The following CYB5B variants were observed in gnomAD, a reference collection of about 807,000 sequenced individuals.
CYB5B encodes the protein cytochrome b5 type B.
Under a neutral mutation model 21.3 loss-of-function variants are expected in CYB5B, and 14 were observed. The ratio of observed to expected loss-of-function variants is 0.66; its 90% CI spans 0.43 to 1.03. The LOEUF (loss-of-function observed/expected upper bound fraction) is 1.03, where lower values mean the gene tolerates loss of function less well. Among genes scored for constraint, CYB5B ranks in the 50% least tolerant of loss-of-function variants. The probability of loss-of-function intolerance (pLI) is 0.00; values close to 1 mark genes in which losing one functional copy is unlikely to be tolerated. For missense variants in CYB5B, 166 were observed against 185.1 expected, an observed-to-expected ratio of 0.90 and a Z score of 0.60; for synonymous variants, 69 against 68.4, an observed-to-expected ratio of 1.01 and a Z score of -0.04.
At chr16:69,433,904 C>T (rs929790301) in intron 1 of CYB5B, among the ~76,000 whole-genome samples, 2 of 152,212 alleles carry the variant, frequency 1.3e-5, no homozygotes, top group African/African-American at 4.8e-5. Context: ...ACGGTATAGT[C>T]TCTTGTTCCT....
intron 1 of CYB5B, among the ~76,000 whole-genome samples, chr16:69,428,673 A>G (rs1250058606): frequency 6.6e-6 from 1 of 152,094 alleles, no homozygotes; most frequent in Non-Finnish European, 1.5e-5. Context: ...AAAAAAAGAA[A>G]AATAATACAG....
In CYB5B at chr16:69,465,719, G is replaced by C. The variant is rs1226349834; in HGVS notation, c.*3199G>C. ...ATCTATCTGGTTAAATTCCATTTTA[G>C]GAGATTGAGATGCAGAACGTTAATG... On this transcript the variant is annotated 3_prime_UTR_variant, in exon 5 of 5. Coordinates refer to ENST00000307892, the MANE Select transcript of CYB5B (RefSeq NM_030579.3). The C allele has an allele frequency of 6.6e-6, 1 of 152,188 alleles. No individual in the cohort carries two copies. Among genetic ancestry groups the C allele is most frequent in the African/African-American group, 2.4e-5 (1 of 41,436 alleles). 9.4% of individuals were successfully genotyped at this position (152,188 alleles called of 1,614,324 possible).
intron 3 of CYB5B, among the ~76,000 whole-genome samples, chr16:69,457,980 A>G (rs1233246416): frequency 1.1e-4 from 17 of 152,162 alleles, no homozygotes; most frequent in Non-Finnish European, 1.9e-4. Context: ...ATATACTTCT[A>G]CATTTTGCAA....
intron 1 of CYB5B, among the ~76,000 whole-genome samples, chr16:69,445,690 A>G (rs1019653693): frequency 2.0e-5 from 3 of 152,204 alleles, no homozygotes; most frequent in South Asian, 4.1e-4. Flanking sequence ...GAGGCTGGGC[A>G]TGGTGGCTCA....
At chr16:69,436,522 G>T (rs761741485) in intron 1 of CYB5B, among the ~76,000 whole-genome samples, 2 of 152,140 alleles carry the variant, frequency 1.3e-5, no homozygotes, top group Non-Finnish European at 2.9e-5. Context: ...CTATAGACCT[G>T]CACCGTTTCC....
In CYB5B at chr16:69,424,824, G is replaced by A; in HGVS notation, c.141G>A (p.Gly47=). 1.9e-6 allele frequency: 3 copies of A among 1,600,880 alleles called. No homozygotes were observed. The highest frequency in any genetic ancestry group is 1.3e-5 in the African/African-American group (1 of 74,454). ...AGGAACTGTGGCTTGTGATCCATGG[G>A]CGAGTCTACGATGTCACCCGCTTCC... is the stretch of plus-strand genomic sequence containing the variant. ...SLKELWLVIH[G]RVYDVTRFLN... The change falls in exon 1 of 5, where the codon GGG becomes GGA. Residue 47 remains glycine, a synonymous_variant. Transcript: ENST00000307892.
In CYB5B at chr16:69,463,833, TTAC is replaced by T. The variant is rs1399636636; in HGVS notation, c.*1316_*1318del. On this transcript the variant is annotated 3_prime_UTR_variant, in exon 5 of 5. Transcript: ENST00000307892. ...AGATGTGTGTTCATTGAGAAGTAGGTTACTAGAATTATGTTACTGTGTCTTATT... is the reference window on the plus strand; with the variant it reads ...AGATGTGTGTTCATTGAGAAGTAGGTTAGAATTATGTTACTGTGTCTTATT... 2 of 152,148 alleles carry T rather than the reference TTAC, an allele frequency of 1.3e-5. No homozygotes were observed. Among genetic ancestry groups the T allele is most frequent in the African/African-American group, 4.8e-5 (2 of 41,446 alleles). 9.4% of individuals were successfully genotyped at this position (152,148 alleles called of 1,614,324 possible). A position where few individuals can be genotyped will look rare whatever the true frequency, so the allele number is the denominator to read the frequency against.
chr16:69,444,972 A>G (rs182935325), intron 1 of CYB5B, among the ~76,000 whole-genome samples: 4 of 152,340 alleles, frequency 2.6e-5, no homozygotes, highest in Non-Finnish European at 4.4e-5. Context: ...TCTCTTGTTT[A>G]TAAGTGGTGA....
In CYB5B at chr16:69,431,038, G is replaced by A. The variant is rs780086193; in HGVS notation, c.174+6181G>A. ...TTTTGAGATGGAGTCTTGTTTTGTC[G>A]CCCAGGCTGGAGTGCAGTAGCATTA... On this transcript the variant is annotated intron_variant, in intron 1 of 4. Coordinates refer to ENST00000307892, the MANE Select transcript of CYB5B (RefSeq NM_030579.3). Among the ~76,000 whole-genome samples, 19 of 151,658 alleles carry A rather than the reference G, an allele frequency of 1.3e-4. 1 individual carries two copies. In the South Asian group the frequency reaches 1.5e-3, roughly 12 times the overall value.
At chr16:69,424,901 G>A in intron 1 of CYB5B, 44 bp downstream of exon 1, 3 of 1,499,122 alleles carry the variant, frequency 2.0e-6, no homozygotes, top group Non-Finnish European at 2.7e-6. Flanking sequence ...GCTGGGGCGA[G>A]GGGTGAAAAG....
chr16:69,440,441 T>C (rs2014808041), intron 1 of CYB5B, among the ~76,000 whole-genome samples: 1 of 152,228 alleles, frequency 6.6e-6, no homozygotes, highest in African/African-American at 2.4e-5. Context: ...AACCACCATC[T>C]GGTTCTTCCT....
In CYB5B at chr16:69,424,741, G is replaced by A. The variant is rs1371679836; in HGVS notation, c.58G>A (p.Val20Ile). The A allele has an allele frequency of 6.2e-7, 1 of 1,601,520 alleles. No individual in the cohort carries two copies. The highest frequency in any genetic ancestry group is 1.7e-5 in the Admixed American group (1 of 58,346). ...CGGCAGCGATGGGAAAGGGCAGGAA[G>A]TCGAGACCTCAGTCACCTATTACCG... ...ASGSDGKGQE[V>I]ETSVTYYRLE... is the part of the protein sequence containing the mutation. Residue 20 changes from valine to isoleucine, a missense_variant, in exon 1 of 5, where the codon GTC becomes ATC. Coordinates refer to ENST00000307892, the MANE Select transcript of CYB5B (RefSeq NM_030579.3).
intron 3 of CYB5B, among the ~76,000 whole-genome samples, chr16:69,457,560 G>A (rs940015764): frequency 1.3e-5 from 2 of 152,090 alleles, no homozygotes; most frequent in African/African-American, 4.8e-5. Context: ...TTAACTTGAT[G>A]CACATACTAC....
intron 1 of CYB5B, among the ~76,000 whole-genome samples, chr16:69,430,100 T>C (rs1166229973): frequency 6.6e-6 from 1 of 152,210 alleles, no homozygotes; most frequent in Non-Finnish European, 1.5e-5. Context: ...TTTAGTAGTT[T>C]AGAAAAATCA....
chr16:69,452,357 A>C (rs370974213), intron 3 of CYB5B, among the ~76,000 whole-genome samples: 1 of 149,702 alleles, frequency 6.7e-6, no homozygotes, highest in Non-Finnish European at 1.5e-5. Context: ...CATACATACT[A>C]TTCTTCACCT....
At position 69,424,760 on chromosome 16, in the gene CYB5B, A is replaced by G; in HGVS notation, c.77A>G (p.Tyr26Cys). 3.7e-6 allele frequency: 6 copies of G among 1,604,748 alleles called. No individual in the cohort carries two copies. The highest frequency in any genetic ancestry group is 1.3e-5 in the African/African-American group (1 of 74,478). ...CAGGAAGTCGAGACCTCAGTCACCT[A>G]TTACCGGTTGGAGGAGGTGGCAAAG... is the stretch of plus-strand genomic sequence containing the variant. Reference protein sequence around the residue: ...KGQEVETSVTYYRLEEVAKRN... With the variant: ...KGQEVETSVTCYRLEEVAKRN... Residue 26 changes from tyrosine (Y) to cysteine (C), a missense_variant, in exon 1 of 5, where the codon TAT becomes TGT. Coordinates refer to ENST00000307892, the MANE Select transcript of CYB5B (RefSeq NM_030579.3).
In CYB5B at chr16:69,465,556, T is replaced by C. The variant is rs751333709; in HGVS notation, c.*3036T>C. 1 of 152,260 alleles carries C rather than the reference T, an allele frequency of 6.6e-6. No homozygotes were observed. Among genetic ancestry groups the C allele is most frequent in the Non-Finnish European group, 1.5e-5 (1 of 68,044 alleles). The allele number at this position is 152,260 out of a possible 1,614,324, so 9.4% of individuals were successfully genotyped here. On this transcript the variant is annotated 3_prime_UTR_variant, in exon 5 of 5. Coordinates refer to ENST00000307892, the MANE Select transcript of CYB5B (RefSeq NM_030579.3). ...GCCTGTAAAGTTGTTTTAGCAGTTG[T>C]CATAAATGCATATGTTGTGAAATCA... is the stretch of plus-strand genomic sequence containing the variant.
chr16:69,461,155 A>G (rs1184430126), intron 4 of CYB5B, among the ~76,000 whole-genome samples: 3 of 151,996 alleles, frequency 2.0e-5, no homozygotes, highest in African/African-American at 7.3e-5. Context: ...CAGTGAGCCA[A>G]GATCGCGCCA....
At chr16:69,431,850 G>A (rs1224910973) in intron 1 of CYB5B, among the ~76,000 whole-genome samples, 3 of 152,126 alleles carry the variant, frequency 2.0e-5, no homozygotes, top group African/African-American at 7.2e-5. Flanking sequence ...AAAACAGACA[G>A]ATGAAATAAT....
Sources: gnomAD v4.1 joint callset for allele counts (sites outside exome capture counted in the v4.1 genomes callset) on GRCh38, gnomAD v4.1.1 for gene constraint, MANE v1.5 for transcripts, NCBI Gene and HGNC (gene_info 2026-07-23, HGNC 2026-07-21) for gene names.